The following STAG3 variants were observed in gnomAD, a reference collection of about 807,000 sequenced individuals.
The protein encoded by STAG3 is cohesin subunit SA-3.
Under a neutral mutation model 160.7 loss-of-function variants are expected in STAG3, and 101 were observed. The observed-to-expected ratio is 0.63, with a 90% CI of 0.54 to 0.74. The LOEUF is 0.74. Among genes scored for constraint, STAG3 ranks in the 30% least tolerant of loss-of-function variants. The probability of loss-of-function intolerance (pLI) is 0.00; values close to 1 mark genes in which losing one functional copy is unlikely to be tolerated. For missense variants in STAG3, 1,188 were observed against 1,517.4 expected, an observed-to-expected ratio of 0.78 and a Z score of 3.61; for synonymous variants, 519 against 585.0, an observed-to-expected ratio of 0.89 and a Z score of 1.63.
chr7:100,205,310 C>A lies in STAG3; in HGVS notation c.3164C>A (p.Ser1055Tyr). ...PWGPVTTYCH[S>Y]LSPVENTAET... ...GGCCCAGTCACCACCTACTGCCACT[C>A]CCTCAGCCCTGTGGAGAACACAGCA... Residue 1055 changes from serine to tyrosine, a missense_variant, in exon 29 of 34, where the codon TCC becomes TAC. This residue lies in a region of STAG3 where 647 missense variants were observed against 717.2 expected (regional missense o/e 0.90). Transcript: ENST00000615138. The A allele has an allele frequency of 6.2e-7, 1 of 1,614,166 alleles. No individual in the cohort carries two copies. Among genetic ancestry groups the A allele is most frequent in the Non-Finnish European group, 8.5e-7 (1 of 1,180,044 alleles).
chr7:100,210,139 A>G (rs553675619), intron 29 of STAG3, among the ~76,000 whole-genome samples: 8 of 152,346 alleles, frequency 5.3e-5, no homozygotes, highest in Admixed American at 2.0e-4. Context: ...TTAATAGCTC[A>G]GGGAGATCAG....
In STAG3 at chr7:100,200,766, C is replaced by T; in HGVS notation, c.1861-3C>T. Reference sequence around the variant, plus strand: ...CACACCATCTTCTGCCTTTTCTTCTCAGCACCTGGAGCTGTTCCTGCAGCA... The same window carrying T: ...CACACCATCTTCTGCCTTTTCTTCTTAGCACCTGGAGCTGTTCCTGCAGCA... On this transcript the variant is annotated splice_region_variant and splice_polypyrimidine_tract_variant and intron_variant, in intron 18 of 33. Coordinates refer to ENST00000615138, the MANE Select transcript of STAG3 (RefSeq NM_001282717.2). The T allele has an allele frequency of 6.2e-7, 1 of 1,613,916 alleles. No individual in the cohort carries two copies. The highest frequency in any genetic ancestry group is 1.7e-4 in the Middle Eastern group (1 of 6,006).
chr7:100,178,541 G>A (rs1210411515), intron 1 of STAG3, among the ~76,000 whole-genome samples: 1 of 148,492 alleles, frequency 6.7e-6, no homozygotes, highest in Non-Finnish European at 1.5e-5. Flanking sequence ...AGAGGGGTGC[G>A]TCTGAAGCTG....
chr7:100,202,059 T>A lies in STAG3; in HGVS notation c.2394+18T>A, dbSNP rs1801184075. On this transcript the variant is annotated intron_variant, in intron 23 of 33. Transcript: ENST00000615138. The stretch of plus-strand genomic sequence containing the variant: ...AGGAGCAGGTGAGTACTGACTCAAG[T>A]GGGAGCAACAAGGCGAGTATCCCTG... The A allele has an allele frequency of 6.2e-7, 1 of 1,613,960 alleles. No individual in the cohort carries two copies. Among genetic ancestry groups the A allele is most frequent in the African/African-American group, 1.3e-5 (1 of 75,022 alleles).
intron 4 of STAG3, among the ~76,000 whole-genome samples, chr7:100,185,458 C>T (rs1799931529): frequency 1.3e-5 from 2 of 151,734 alleles, no homozygotes; most frequent in Admixed American, 1.3e-4. Flanking sequence ...AGCCATTAGC[C>T]AGGCGTGGTG....
At chr7:100,193,852 TC>T (rs1369245613) in intron 8 of STAG3, among the ~76,000 whole-genome samples, 16 of 152,238 alleles carry the variant, frequency 1.1e-4, no homozygotes, top group African/African-American at 3.9e-4. Flanking sequence ...CAAGAATTTT[TC>T]TTTTGCATTC....
intron 5 of STAG3, 99 bp from the exon 6 acceptor site, chr7:100,188,354 T>TTG: frequency 1.2e-6 from 1 of 866,162 alleles, no homozygotes; most frequent in South Asian, 1.3e-5. Flanking sequence ...ACCTAAGCTC[T>TTG]TTGCAGAATG....
intron 2 of STAG3, chr7:100,180,878 CTGTTT>C: frequency 2.8e-6 from 1 of 356,780 alleles, no homozygotes. Context: ...GTAGTACATC[CTGTTT>C]TTTTTTTTTT....
Position 100,180,604 on chromosome 7 carries a change from G to A in STAG3, c.48G>A (p.Leu16=). 1 of 1,612,734 alleles carries A rather than the reference G, an allele frequency of 6.2e-7. No individual in the cohort carries two copies. The highest frequency in any genetic ancestry group is 8.5e-7 in the Non-Finnish European group (1 of 1,178,800). ...QRAVGDTKRA[L]SASSSSSASL... ...CTGTGGGAGATACCAAGAGGGCCTTGTCTGCATCTTCTAGTTCCTCTGCCA... is the reference window on the plus strand; with the variant it reads ...CTGTGGGAGATACCAAGAGGGCCTTATCTGCATCTTCTAGTTCCTCTGCCA... The change falls in exon 2 of 34, where the codon TTG becomes TTA. Residue 16 remains leucine, a synonymous_variant. Coordinates refer to ENST00000615138, the MANE Select transcript of STAG3 (RefSeq NM_001282717.2).
intron 8 of STAG3, 31 bp downstream of exon 8, chr7:100,189,627 T>A: frequency 6.3e-7 from 1 of 1,589,440 alleles, no homozygotes; most frequent in Non-Finnish European, 8.6e-7. Context: ...CTTCCTTCCC[T>A]TTTTCCCAAC....
downstream of STAG3, among the ~76,000 whole-genome samples, chr7:100,215,381 A>G (rs1265778776): frequency 6.6e-6 from 1 of 151,832 alleles, no homozygotes; most frequent in East Asian, 1.9e-4. Flanking sequence ...AAGCTATAAG[A>G]AATTGGGTTG....
At position 100,177,961 on chromosome 7, in the gene STAG3, C is replaced by CCT. The variant is rs1799375222; in HGVS notation, c.-108_-107dup. 1 of 152,484 alleles carries CCT rather than the reference C, an allele frequency of 6.6e-6. No homozygotes were observed. The highest frequency in any genetic ancestry group is 1.5e-5 in the Non-Finnish European group (1 of 68,220). 9.4% of individuals were successfully genotyped at this position (152,484 alleles called of 1,614,324 possible). A position where few individuals can be genotyped will look rare whatever the true frequency, so the allele number is the denominator to read the frequency against. On this transcript the variant is annotated 5_prime_UTR_variant, in exon 1 of 34. Transcript: ENST00000615138. The stretch of plus-strand genomic sequence containing the variant: ...GCCCCCGGAAGGGCAGCGGCGGGCG[C>CCT]CTGTGTGGAAGGTGGGGTGGCCAGA...
chr7:100,210,974 C>T, intron 29 of STAG3, 37 bp from the exon 30 acceptor site: 1 of 1,599,966 alleles, frequency 6.3e-7, no homozygotes, highest in Non-Finnish European at 8.5e-7. Context: ...CTGTCGCAGG[C>T]CCTGGGCTGT....
chr7:100,210,919 C>T, intron 29 of STAG3, 92 bp from the exon 30 acceptor site: 1 of 1,375,490 alleles, frequency 7.3e-7, no homozygotes, highest in South Asian at 1.4e-5. Flanking sequence ...TCCTGATTGA[C>T]TTTCCCTTAC....
At chr7:100,184,281 A>G (rs1237347024) in intron 4 of STAG3, among the ~76,000 whole-genome samples, 4 of 151,818 alleles carry the variant, frequency 2.6e-5, no homozygotes, top group Non-Finnish European at 5.9e-5. Context: ...AAAAAAAAGA[A>G]AGAAATTTAT....
At chr7:100,180,231 TA>T (rs2117039447) in intron 1 of STAG3, among the ~76,000 whole-genome samples, 1 of 152,128 alleles carries the variant, frequency 6.6e-6, no homozygotes, top group South Asian at 2.1e-4. Flanking sequence ...TGATTATTAT[TA>T]TTTTTTTTTT....
intron 16 of STAG3, 66 bp from the exon 17 acceptor site, chr7:100,200,170 C>T: frequency 8.2e-7 from 1 of 1,226,084 alleles, no homozygotes; most frequent in Non-Finnish European, 1.2e-6. Flanking sequence ...GGGAGGAGGA[C>T]TGCACACACC....
In STAG3 at chr7:100,203,879, C is replaced by T. The variant is rs541014448; in HGVS notation, c.2701-142C>T. ...TGCACCTGTTGATTAGAGATGAAGT[C>T]TAGTCTGAATTATTTTATGCTTCAG... On this transcript the variant is annotated intron_variant, in intron 25 of 33. Transcript: ENST00000615138. 9 of 584,432 alleles carry T rather than the reference C, an allele frequency of 1.5e-5. No homozygotes were observed. In the East Asian group the frequency reaches 2.7e-4, roughly 17 times the overall value. The allele number at this position is 584,432 out of a possible 1,614,324, so 36.2% of individuals were successfully genotyped here. A position where few individuals can be genotyped will look rare whatever the true frequency, so the allele number is the denominator to read the frequency against.
rs1223701463 is a variant in STAG3, at chr7:100,195,399, C to T, written c.941+17C>T. ...TCGGTACAGGTGAGCTAATGGGCCT[C>T]TCTCATTGAAGCAGCTGGCCTTTGG... On this transcript the variant is annotated intron_variant, in intron 9 of 33. Transcript: ENST00000615138. 3 of 1,610,550 alleles carry T rather than the reference C, an allele frequency of 1.9e-6. No homozygotes were observed. Among genetic ancestry groups the T allele is most frequent in the South Asian group, 2.2e-5 (2 of 90,532 alleles).
Sources: gnomAD v4.1 joint callset for allele counts (sites outside exome capture counted in the v4.1 genomes callset) on GRCh38, gnomAD v4.1.1 for gene constraint, gnomAD v4.1.1 regional missense constraint, MANE v1.5 for transcripts, NCBI Gene and HGNC (gene_info 2026-07-23, HGNC 2026-07-21) for gene names.